KLF7: variants seen among roughly 807,000 people sequenced by gnomAD.
The protein encoded by KLF7 is KLF transcription factor 7, also known as Krueppel-like factor 7.
Under a neutral mutation model 27.3 loss-of-function variants are expected in KLF7, and 2 were observed. That is an observed-to-expected ratio of 0.07 (90% CI 0.03 to 0.23). The LOEUF (loss-of-function observed/expected upper bound fraction) is 0.23, where lower values mean the gene tolerates loss of function less well. Among genes scored for constraint, KLF7 ranks in the 10% least tolerant of loss-of-function variants. KLF7 has a pLI of 1.00. For synonymous variants in KLF7, 165 were observed against 162.4 expected, an observed-to-expected ratio of 1.02 and a Z score of -0.12; for missense variants, 221 against 394.1, an observed-to-expected ratio of 0.56 and a Z score of 3.72.
At chr2:207,113,600 TGGGGGGTGGG>T (rs2077094163) in intron 2 of KLF7, among the ~76,000 whole-genome samples, 1 of 2,450 alleles carries the variant, frequency 4.1e-4, no homozygotes, top group Non-Finnish European at 7.6e-4. Context: ...CAAAGTGGAA[TGGGGGGTGGG>T]GGGGGGGGGG....
chr2:207,159,598 G>A (rs1574593766), intron 1 of KLF7, among the ~76,000 whole-genome samples: 1 of 152,276 alleles, frequency 6.6e-6, no homozygotes, highest in African/African-American at 2.4e-5. Context: ...CTTAAGGAAT[G>A]AAGTATTTAC....
chr2:207,124,816 A>T (rs1282917236), intron 1 of KLF7, among the ~76,000 whole-genome samples: 1 of 152,170 alleles, frequency 6.6e-6, no homozygotes, highest in Non-Finnish European at 1.5e-5. Flanking sequence ...CCAGAGTCCA[A>T]CTTCATTATT....
At chr2:207,139,813 T>C (rs2077890554) in intron 1 of KLF7, among the ~76,000 whole-genome samples, 1 of 152,242 alleles carries the variant, frequency 6.6e-6, no homozygotes, top group Non-Finnish European at 1.5e-5. Flanking sequence ...TTTCAGACAT[T>C]TCAACCTGTC....
chr2:207,168,662 C>G (rs916997323), upstream of KLF7, among the ~76,000 whole-genome samples: 11 of 152,150 alleles, frequency 7.2e-5, no homozygotes, highest in Non-Finnish European at 1.2e-4. Context: ...AGGACTCAAC[C>G]AAAATTTTAC....
At chr2:207,116,355 T>C (rs552035830) in intron 2 of KLF7, among the ~76,000 whole-genome samples, 13 of 152,356 alleles carry the variant, frequency 8.5e-5, no homozygotes, top group African/African-American at 3.1e-4. Flanking sequence ...CATCTGTCCT[T>C]ATATTTTAAT....
intron 1 of KLF7, among the ~76,000 whole-genome samples, chr2:207,127,018 T>C (rs1321726768): frequency 6.6e-6 from 1 of 152,180 alleles, no homozygotes; most frequent in Non-Finnish European, 1.5e-5. Flanking sequence ...CTCTTCATAT[T>C]CAGAAGAGAT....
chr2:207,088,015 T>C (rs1198105177), intron 3 of KLF7, among the ~76,000 whole-genome samples: 1 of 152,188 alleles, frequency 6.6e-6, no homozygotes, highest in Non-Finnish European at 1.5e-5. Flanking sequence ...AAAAGCCTTA[T>C]AGTGATAGGA....
intron 2 of KLF7, among the ~76,000 whole-genome samples, chr2:207,110,954 A>G (rs530305760): frequency 1.3e-5 from 2 of 152,322 alleles, no homozygotes; most frequent in South Asian, 2.1e-4. Flanking sequence ...TTGGGCCCAC[A>G]TGATCCTTTG....
chr2:207,101,814 G>C (rs2076771013), intron 2 of KLF7, among the ~76,000 whole-genome samples: 1 of 152,134 alleles, frequency 6.6e-6, no homozygotes, highest in African/African-American at 2.4e-5. Flanking sequence ...ACTTCCTCTA[G>C]AAGAGACTAT....
chr2:207,157,373 TAA>T (rs2078417313), intron 1 of KLF7, among the ~76,000 whole-genome samples: 1 of 152,006 alleles, frequency 6.6e-6, no homozygotes. Flanking sequence ...ATTTGAAAGT[TAA>T]GGAATGGGTG....
At chr2:207,081,598 C>G (rs916027877) in intron 3 of KLF7, among the ~76,000 whole-genome samples, 5 of 152,122 alleles carry the variant, frequency 3.3e-5, no homozygotes, top group African/African-American at 1.2e-4. Context: ...CGGACTGGCA[C>G]ATCGTAGGAT....
chr2:207,114,212 TTACC>T (rs769411301), intron 2 of KLF7, among the ~76,000 whole-genome samples: 1 of 152,208 alleles, frequency 6.6e-6, no homozygotes, highest in Non-Finnish European at 1.5e-5. Context: ...AAATGTCTTA[TTACC>T]TATATCAAGG....
intron 2 of KLF7, among the ~76,000 whole-genome samples, chr2:207,096,729 G>C (rs2076639743): frequency 6.6e-6 from 1 of 152,154 alleles, no homozygotes; most frequent in African/African-American, 2.4e-5. Context: ...GTGAGGGCAG[G>C]GGCCACATTT....
intron 3 of KLF7, among the ~76,000 whole-genome samples, chr2:207,083,026 C>A (rs2076310700): frequency 6.6e-6 from 1 of 152,194 alleles, no homozygotes; most frequent in African/African-American, 2.4e-5. Flanking sequence ...CAATAACATG[C>A]TGCATAATAA....
upstream of KLF7, chr2:207,165,985 G>A: frequency 1.0e-6 from 1 of 994,860 alleles, no homozygotes; most frequent in Non-Finnish European, 1.2e-6. Context: ...ATTTTGGGAG[G>A]TTGCATTTTT....
chr2:207,113,620 G>GGAA (rs1491431908), intron 2 of KLF7, among the ~76,000 whole-genome samples: 2 of 107,760 alleles, frequency 1.9e-5, no homozygotes, highest in African/African-American at 6.7e-5. Context: ...GGGGGGGGGG[G>GGAA]AAATGATGCA....
intron 2 of KLF7, among the ~76,000 whole-genome samples, chr2:207,114,297 A>C (rs564761752): frequency 1.1e-4 from 17 of 152,236 alleles, no homozygotes; most frequent in Non-Finnish European, 2.2e-4. Context: ...TGACCAATTG[A>C]GAATTCAATA....
intron 1 of KLF7, among the ~76,000 whole-genome samples, chr2:207,163,546 C>G (rs1305897558): frequency 6.6e-6 from 1 of 152,184 alleles, no homozygotes; most frequent in Non-Finnish European, 1.5e-5. Context: ...CTAGCCAGAT[C>G]TAGAAAAGCA....
At chr2:207,122,738 T>C (rs1021369766) in intron 2 of KLF7, among the ~76,000 whole-genome samples, 1 of 152,182 alleles carries the variant, frequency 6.6e-6, no homozygotes, top group Admixed American at 6.5e-5. Context: ...TCCTAGCTCA[T>C]ATGCTATCAC....
Sources: allele counts gnomAD v4.1 joint callset (sites outside exome capture counted in the v4.1 genomes callset), GRCh38; gene constraint gnomAD v4.1.1; transcripts MANE v1.5; gene names NCBI Gene and HGNC (gene_info 2026-07-23, HGNC 2026-07-21).